The following KALRN variants were observed in gnomAD, a reference collection of about 807,000 sequenced individuals.
KALRN encodes the protein kalirin RhoGEF kinase.
A neutral mutation model predicts 353.7 loss-of-function variants in KALRN; 70 were observed. The observed-to-expected ratio is 0.20, with a 90% CI of 0.16 to 0.24. KALRN has a LOEUF of 0.24. KALRN is among the 10% of genes least tolerant of loss of function. The pLI, the probability that KALRN is intolerant of heterozygous loss-of-function variation, is 1.00. For synonymous variants in KALRN, 1,391 were observed against 1,434.8 expected (o/e 0.97, Z 0.69); for missense variants, 2,791 against 3,756.7 (o/e 0.74, Z 6.72).
chr3:124,662,005 T>G (rs1002382194), intron 45 of KALRN, 77 bp downstream of exon 45: 16 of 1,134,836 alleles, frequency 1.4e-5, no homozygotes, highest in Non-Finnish European at 2.1e-5. Flanking sequence ...TTCCTCCCCC[T>G]GAAGCCTTGT....
chr3:124,433,739 G>A (rs145217362), intron 16 of KALRN, among the ~76,000 whole-genome samples: 349 of 152,248 alleles, frequency 2.3e-3, no homozygotes, highest in African/African-American at 8.2e-3. Context: ...AAGTAATTAA[G>A]GGATGATGTA....
intron 11 of KALRN, among the ~76,000 whole-genome samples, chr3:124,393,860 CTCTA>C (rs1327857310): frequency 6.6e-6 from 1 of 152,208 alleles, no homozygotes; most frequent in Non-Finnish European, 1.5e-5. Context: ...TCTAGGGCTT[CTCTA>C]TCTAAGGAAC....
At chr3:124,627,178 C>A (rs2080056377) in intron 34 of KALRN, among the ~76,000 whole-genome samples, 1 of 152,132 alleles carries the variant, frequency 6.6e-6, no homozygotes, top group Non-Finnish European at 1.5e-5. Flanking sequence ...ATGCCACATT[C>A]CTTTATAACC....
intron 34 of KALRN, among the ~76,000 whole-genome samples, chr3:124,567,267 C>T (rs1224207271): frequency 1.3e-5 from 2 of 152,150 alleles, no homozygotes; most frequent in Non-Finnish European, 2.9e-5. Context: ...CAAGAGAACA[C>T]TCAGGCTCAG....
chr3:124,157,535 T>A (rs1193153830), intron 1 of KALRN, among the ~76,000 whole-genome samples: 3 of 152,212 alleles, frequency 2.0e-5, no homozygotes, highest in Admixed American at 6.5e-5. Flanking sequence ...TAATAAAACT[T>A]TTCCACATCA....
intron 51 of KALRN, among the ~76,000 whole-genome samples, chr3:124,680,318 A>G (rs772676082): frequency 3.3e-5 from 5 of 152,280 alleles, no homozygotes; most frequent in African/African-American, 1.2e-4. Context: ...TCCAACTCCC[A>G]GTCTGTTGGG....
intron 1 of KALRN, among the ~76,000 whole-genome samples, chr3:124,044,568 C>T (rs1253220066): frequency 3.4e-5 from 5 of 147,864 alleles, no homozygotes; most frequent in Non-Finnish European, 7.4e-5. Context: ...GAGCCAAGGT[C>T]GCACCACCAC....
chr3:124,080,761 C>T (rs2149315990), intron 1 of KALRN, among the ~76,000 whole-genome samples: 1 of 148,844 alleles, frequency 6.7e-6, no homozygotes, highest in East Asian at 2.0e-4. Flanking sequence ...TGAAATTTGC[C>T]CTTGTTAATT....
intron 33 of KALRN, among the ~76,000 whole-genome samples, chr3:124,521,079 T>C (rs1183646253): frequency 6.6e-6 from 1 of 152,196 alleles, no homozygotes; most frequent in African/African-American, 2.4e-5. Flanking sequence ...TGCAGACCAG[T>C]GTCCTGCTCT....
chr3:124,502,704 T>A (rs553068294), intron 33 of KALRN, among the ~76,000 whole-genome samples: 10 of 152,202 alleles, frequency 6.6e-5, no homozygotes, highest in African/African-American at 2.4e-4. Context: ...CTGGGGTAGG[T>A]CACTGCCCAG....
intron 10 of KALRN, among the ~76,000 whole-genome samples, chr3:124,364,933 G>C (rs1390201339): frequency 1.3e-5 from 2 of 152,180 alleles, no homozygotes; most frequent in African/African-American, 4.8e-5. Flanking sequence ...TTTCCTAGTA[G>C]ACTACTCTTT....
chr3:124,722,247 C>T lies in KALRN; in HGVS notation c.*2777C>T, dbSNP rs187473772. On this transcript the variant is annotated 3_prime_UTR_variant, in exon 60 of 60. Transcript: ENST00000682506. ...GCAGTTGACAGAATGTTAGACAGAC[C>T]CCAAGCTTTCATATCAGCTTTTACA... is the stretch of plus-strand genomic sequence containing the variant. The T allele has an allele frequency of 6.6e-6, 1 of 152,174 alleles. No homozygotes were observed. The highest frequency in any genetic ancestry group is 6.5e-5 in the Admixed American group (1 of 15,280). The allele number at this position is 152,174 out of a possible 1,614,324, so 9.4% of individuals were successfully genotyped here.
chr3:124,521,991 GA>G (rs1361421915), intron 33 of KALRN, among the ~76,000 whole-genome samples: 1 of 151,898 alleles, frequency 6.6e-6, no homozygotes, highest in Admixed American at 6.6e-5. Context: ...GGGAGAAACA[GA>G]CAATAAACAA....
In KALRN at chr3:124,441,911, T is replaced by C. The variant is rs1379262341; in HGVS notation, c.3199-34T>C. On this transcript the variant is annotated intron_variant, in intron 18 of 59. Transcript: ENST00000682506. ...ATTGTCTTGGATTCCATACACCTGCTGGGACAGGGGCCTCACAGCTTTGTC... is the reference window on the plus strand; with the variant it reads ...ATTGTCTTGGATTCCATACACCTGCCGGGACAGGGGCCTCACAGCTTTGTC... The C allele has an allele frequency of 2.9e-6, 4 of 1,375,380 alleles. No homozygotes were observed. The East Asian group carries it at 9.8e-5, about 34-fold the overall frequency. 85.2% of individuals were successfully genotyped at this position (1,375,380 alleles called of 1,614,324 possible). A position where few individuals can be genotyped will look rare whatever the true frequency, so the allele number is the denominator to read the frequency against.
chr3:124,258,466 C>A (rs2072357222), intron 3 of KALRN, among the ~76,000 whole-genome samples: 1 of 152,154 alleles, frequency 6.6e-6, no homozygotes, highest in Non-Finnish European at 1.5e-5. Flanking sequence ...TTCTCTCTAA[C>A]CTCTTCATTT....
chr3:124,305,250 C>A (rs1176362139), intron 6 of KALRN, among the ~76,000 whole-genome samples: 1 of 152,158 alleles, frequency 6.6e-6, no homozygotes, highest in Non-Finnish European at 1.5e-5. Context: ...TACAAAAATG[C>A]TCTTAGGGAG....
At chr3:124,116,239 C>T (rs2063448819) in intron 1 of KALRN, among the ~76,000 whole-genome samples, 1 of 152,124 alleles carries the variant, frequency 6.6e-6, no homozygotes, top group Non-Finnish European at 1.5e-5. Context: ...ATGCAAGGGC[C>T]AGCAAAAATA....
chr3:124,246,950 G>T (rs972021296), intron 3 of KALRN, among the ~76,000 whole-genome samples: 1 of 152,130 alleles, frequency 6.6e-6, no homozygotes, highest in African/African-American at 2.4e-5. Flanking sequence ...CAGTTATGGG[G>T]ATCCAGATTT....
chr3:124,253,503 C>T (rs1160402209), intron 3 of KALRN, among the ~76,000 whole-genome samples: 3 of 152,216 alleles, frequency 2.0e-5, no homozygotes, highest in Admixed American at 6.5e-5. Context: ...TAAGACTCCT[C>T]CCGATCATTC....
Sources: gnomAD v4.1 joint callset for allele counts (sites outside exome capture counted in the v4.1 genomes callset) on GRCh38, gnomAD v4.1.1 for gene constraint, MANE v1.5 for transcripts, NCBI Gene and HGNC (gene_info 2026-07-23, HGNC 2026-07-21) for gene names.